Variants in RUFY3 observed in about 807,000 individuals in gnomAD.
RUFY3 encodes the protein protein RUFY3.
Under a neutral mutation model 84.0 loss-of-function variants are expected in RUFY3, and 34 were observed. The observed-to-expected ratio is 0.40, with a 90% CI of 0.31 to 0.54. The LOEUF (loss-of-function observed/expected upper bound fraction) is 0.54. RUFY3 is among the 20% of genes least tolerant of loss of function. The pLI is 0.39. For synonymous variants in RUFY3, 242 were observed against 252.9 expected (o/e 0.96, Z 0.41); for missense variants, 507 against 736.8 (o/e 0.69, Z 3.61).
Position 70,760,217 on chromosome 4 carries a change from C to G in RUFY3, c.179-2302C>G, listed in dbSNP as rs79188799. 8.5e-3 allele frequency among the ~76,000 whole-genome samples: 1,298 copies of G among 152,206 alleles called. 12 individuals carry two copies. The highest frequency in any genetic ancestry group is 0.013 in the Non-Finnish European group (872 of 67,998). On this transcript the variant is annotated intron_variant, in intron 1 of 17. Coordinates refer to ENST00000381006, the MANE Select transcript of RUFY3 (RefSeq NM_001037442.4). The stretch of plus-strand genomic sequence containing the variant: ...TTTCTGCTGCAGATTATAAGAAGAA[C>G]AAGATGAGAAAATGTAGATGGGTTG...
At chr4:70,710,689 AAAAG>A (rs781400479) in intron 1 of RUFY3, among the ~76,000 whole-genome samples, 1 of 152,100 alleles carries the variant, frequency 6.6e-6, no homozygotes, top group Non-Finnish European at 1.5e-5. Flanking sequence ...AAAAAAAAGA[AAAAG>A]AAAACAGTAT....
chr4:70,789,739 T>C (rs924053721), intron 12 of RUFY3, 147 bp downstream of exon 12: 4 of 1,338,868 alleles, frequency 3.0e-6, no homozygotes, highest in African/African-American at 3.0e-5. Context: ...AGTTGAATGT[T>C]ATGTGTGTTT....
intron 12 of RUFY3, chr4:70,791,690 T>C: frequency 9.9e-7 from 1 of 1,012,650 alleles, no homozygotes. Flanking sequence ...TGTCTGTATC[T>C]GCAAGCCTGT....
rs567300739 is a variant in RUFY3, at chr4:70,783,313, C to A, written c.987+130C>A. The A allele has an allele frequency of 9.2e-5, 59 of 643,428 alleles. 1 individual carries two copies. The South Asian group carries it at 1.1e-3, about 12-fold the overall frequency. The allele number at this position is 643,428 out of a possible 1,614,324, so 39.9% of individuals were successfully genotyped here. A position where few individuals can be genotyped will look rare whatever the true frequency, so the allele number is the denominator to read the frequency against. On this transcript the variant is annotated intron_variant, in intron 9 of 17. Transcript: ENST00000381006. ...GCACACTTTTTATTTAGACTCCATG[C>A]ATAATTGTGTGATGAAGGTTGTGGG...
At chr4:70,704,927 A>T in exon 1 of RUFY3, 1 of 1,211,706 alleles carries the variant, frequency 8.3e-7, no homozygotes. Flanking sequence ...CGGCGAAGGA[A>T]GGAGTGAGCA....
chr4:70,791,416 C>T, intron 12 of RUFY3: 1 of 1,432,902 alleles, frequency 7.0e-7, no homozygotes, highest in East Asian at 2.7e-5. Context: ...AAAAAGTTGA[C>T]TTTGAATTTG....
At chr4:70,759,340 C>A (rs936417277) in intron 1 of RUFY3, among the ~76,000 whole-genome samples, 1 of 147,224 alleles carries the variant, frequency 6.8e-6, no homozygotes, top group African/African-American at 2.6e-5. Context: ...GGATTTCATT[C>A]TTTTTATGGC....
At chr4:70,765,046 G>A (rs1465802700) in intron 4 of RUFY3, among the ~76,000 whole-genome samples, 1 of 151,710 alleles carries the variant, frequency 6.6e-6, no homozygotes, top group African/African-American at 2.4e-5. Flanking sequence ...AAATTAGCCG[G>A]GCGTGGCGGT....
At chr4:70,752,842 A>G (rs894960339) in intron 1 of RUFY3, among the ~76,000 whole-genome samples, 6 of 152,144 alleles carry the variant, frequency 3.9e-5, no homozygotes, top group Admixed American at 2.0e-4. Flanking sequence ...TTGTGTCTGT[A>G]TTCATAAGGA....
intron 10 of RUFY3, among the ~76,000 whole-genome samples, chr4:70,786,932 C>A (rs1469568843): frequency 2.0e-5 from 3 of 151,738 alleles, no homozygotes; most frequent in Non-Finnish European, 4.4e-5. Flanking sequence ...ACCTGTAATT[C>A]CAGCACTTTG....
intron 1 of RUFY3, among the ~76,000 whole-genome samples, chr4:70,748,294 A>G (rs1722561520): frequency 6.6e-6 from 1 of 151,290 alleles, no homozygotes; most frequent in South Asian, 2.1e-4. Flanking sequence ...TCCCTCTTCC[A>G]CTCTTATTTT....
Position 70,782,988 on chromosome 4 carries a change from A to G in RUFY3, c.895-103A>G, listed in dbSNP as rs1729200349. On this transcript the variant is annotated intron_variant, in intron 8 of 17. Transcript: ENST00000381006. ...TGGGTTATAGCTTCCTTGCTTTCTA[A>G]GAATATCCAAGCCTGAGAATTACAT... 15 of 679,286 alleles carry G rather than the reference A, an allele frequency of 2.2e-5. No individual in the cohort carries two copies. In the South Asian group the frequency reaches 3.2e-4, roughly 15 times the overall value. The allele number at this position is 679,286 out of a possible 1,614,324, so 42.1% of individuals were successfully genotyped here. A position where few individuals can be genotyped will look rare whatever the true frequency, so the allele number is the denominator to read the frequency against.
Position 70,722,607 on chromosome 4 carries a change from AC to A in RUFY3, c.39del (p.Thr14ProfsTer57). On this transcript the variant is annotated frameshift_variant, in exon 1 of 18. Transcript: ENST00000381006. LOFTEE classifies it high-confidence loss of function. ...TCTGACGCCTCCGACCGATATGCCA[AC>A]CCCCACCACTGACAAGATCACACAG... ...SALTPPTDMP[T>X]PTTDKITQAA... 6.2e-7 allele frequency: 1 copy of A among 1,613,102 alleles called. No homozygotes were observed. Among genetic ancestry groups the A allele is most frequent in the Non-Finnish European group, 8.5e-7 (1 of 1,179,832 alleles).
At chr4:70,789,296 A>G (rs1477075270) in intron 11 of RUFY3, among the ~76,000 whole-genome samples, 199 bp from the exon 12 acceptor site, 3 of 152,222 alleles carry the variant, frequency 2.0e-5, no homozygotes, top group South Asian at 2.1e-4. Flanking sequence ...TGATACATTG[A>G]TGAACTATTA....
chr4:70,753,869 G>A (rs202020173), intron 1 of RUFY3, among the ~76,000 whole-genome samples: 4 of 152,200 alleles, frequency 2.6e-5, no homozygotes, highest in East Asian at 3.9e-4. Context: ...TTTTACTGAT[G>A]AGGAAATTGA....
chr4:70,765,824 G>A (rs975926145), intron 4 of RUFY3, among the ~76,000 whole-genome samples: 13 of 150,644 alleles, frequency 8.6e-5, no homozygotes, highest in Admixed American at 8.0e-4. Flanking sequence ...GTGCAGTGGC[G>A]CTATCTCCAC....
In RUFY3 at chr4:70,806,844, C is replaced by T. The variant is rs1375976649; in HGVS notation, c.*185C>T. On this transcript the variant is annotated 3_prime_UTR_variant, in exon 18 of 18. Coordinates refer to ENST00000381006, the MANE Select transcript of RUFY3 (RefSeq NM_001037442.4). ...AAATTTTGCTCATTTTCTCTAATGA[C>T]TGTATGAATAAAAGTGAACTTACTT... The T allele has an allele frequency of 6.1e-5, 36 of 591,164 alleles. No individual in the cohort carries two copies. The highest frequency in any genetic ancestry group is 2.8e-6 in the Non-Finnish European group (1 of 351,488). The allele number at this position is 591,164 out of a possible 1,614,324, so 36.6% of individuals were successfully genotyped here.
At chr4:70,800,344 T>A (rs1473048657) in intron 15 of RUFY3, 139 bp downstream of exon 15, 2 of 629,282 alleles carry the variant, frequency 3.2e-6, no homozygotes, top group Non-Finnish European at 5.4e-6. Flanking sequence ...ACATTTGAAG[T>A]GGAAGTTAAT....
At chr4:70,727,354 C>CTTTTTTTTTT (rs762253929) in intron 1 of RUFY3, among the ~76,000 whole-genome samples, 1 of 118,250 alleles carries the variant, frequency 8.5e-6, no homozygotes, top group African/African-American at 3.4e-5. Context: ...AAAGTAATAA[C>CTTTTTTTTTT]TTTTTTTTTT....
Sources: allele counts gnomAD v4.1 joint callset (sites outside exome capture counted in the v4.1 genomes callset), GRCh38; gene constraint gnomAD v4.1.1; transcripts MANE v1.5; gene names NCBI Gene and HGNC (gene_info 2026-07-23, HGNC 2026-07-21).